The following ELOVL2 variants were observed in gnomAD, a reference collection of about 807,000 sequenced individuals.
ELOVL2 encodes the protein very long chain fatty acid elongase 2.
A neutral mutation model predicts 37.7 loss-of-function variants in ELOVL2; 38 were observed. The ratio of observed to expected loss-of-function variants is 1.01; its 90% CI spans 0.78 to 1.32. The LOEUF (loss-of-function observed/expected upper bound fraction) is 1.32. ELOVL2 is among the 40% of genes most tolerant of loss of function. The pLI is 0.00. For missense variants in ELOVL2, 352 were observed against 363.6 expected (o/e 0.97, Z 0.26); for synonymous variants, 115 against 122.3 (o/e 0.94, Z 0.40).
At chr6:11,005,871 T>C (rs1392303420) in intron 2 of ELOVL2, among the ~76,000 whole-genome samples, 1 of 152,126 alleles carries the variant, frequency 6.6e-6, no homozygotes, top group African/African-American at 2.4e-5. Flanking sequence ...TAAATTAATA[T>C]GAAGTAAGTA....
intron 5 of ELOVL2, among the ~76,000 whole-genome samples, chr6:10,990,668 C>CCG (rs1554110748): frequency 1.0e-5 from 1 of 95,934 alleles, no homozygotes; most frequent in African/African-American, 4.5e-5. Context: ...TTTCAGAATG[C>CCG]CCCCCCCCCG....
chr6:10,994,366 G>A (rs1046637088), intron 5 of ELOVL2, among the ~76,000 whole-genome samples: 2 of 151,028 alleles, frequency 1.3e-5, no homozygotes, highest in Non-Finnish European at 2.9e-5. Context: ...TACTCAGGAG[G>A]TTGAGGCAGG....
chr6:11,019,317 C>T (rs2113537469), intron 1 of ELOVL2, among the ~76,000 whole-genome samples: 1 of 152,174 alleles, frequency 6.6e-6, no homozygotes, highest in Non-Finnish European at 1.5e-5. Flanking sequence ...TTTTTCCCTC[C>T]AGGTTTAGTA....
chr6:11,010,702 T>C (rs756675157), intron 2 of ELOVL2, 44 bp downstream of exon 2: 4 of 1,445,168 alleles, frequency 2.8e-6, no homozygotes, highest in Non-Finnish European at 3.9e-6. Context: ...AATGGTGTTC[T>C]TCCTGTGTTC....
At chr6:11,015,588 C>T (rs1782670316) in intron 1 of ELOVL2, 1 of 152,456 alleles carries the variant, frequency 6.6e-6, no homozygotes, top group African/African-American at 2.4e-5. Flanking sequence ...AAATACACCA[C>T]TTGGAGGTAG....
chr6:11,011,879 C>T (rs1782589004), intron 1 of ELOVL2, among the ~76,000 whole-genome samples: 1 of 152,166 alleles, frequency 6.6e-6, no homozygotes, highest in South Asian at 2.1e-4. Flanking sequence ...GAAGTCAGAA[C>T]ATTACCAGTA....
intron 3 of ELOVL2, among the ~76,000 whole-genome samples, chr6:11,003,662 A>G (rs546221136): frequency 3.9e-5 from 6 of 152,212 alleles, no homozygotes; most frequent in Non-Finnish European, 8.8e-5. Context: ...ATATAGAGAA[A>G]CGAATCCCAT....
chr6:10,994,170 T>TA (rs952907604), intron 5 of ELOVL2, among the ~76,000 whole-genome samples: 1 of 141,870 alleles, frequency 7.0e-6, no homozygotes, highest in African/African-American at 2.6e-5. Context: ...CTTAAAAAAA[T>TA]AAAAAAAGAA....
chr6:11,023,687 C>T lies in ELOVL2; in HGVS notation c.4-12878G>A, dbSNP rs181652783. Reference sequence around the variant, plus strand: ...TGCCTGCTGAATGAAATCTTCAGCACGCGCTGTTTTGTTTGGCAGGACATT... The same window carrying T: ...TGCCTGCTGAATGAAATCTTCAGCATGCGCTGTTTTGTTTGGCAGGACATT... On this transcript the variant is annotated intron_variant, in intron 1 of 7. Coordinates refer to ENST00000354666, the MANE Select transcript of ELOVL2 (RefSeq NM_017770.4). 8.6e-4 allele frequency among the ~76,000 whole-genome samples: 131 copies of T among 152,250 alleles called. 1 individual carries two copies. The highest frequency in any genetic ancestry group is 2.9e-3 in the African/African-American group (119 of 41,548).
chr6:11,016,507 G>A (rs1435034454), intron 1 of ELOVL2, among the ~76,000 whole-genome samples: 1 of 152,144 alleles, frequency 6.6e-6, no homozygotes, highest in East Asian at 1.9e-4. Flanking sequence ...TCAGGAAATG[G>A]GATCTGATCA....
Position 10,986,251 on chromosome 6 carries a change from T to G in ELOVL2, c.766-2345A>C, listed in dbSNP as rs182253909. ...TTATCAGCTTAAGGAGATTTTGGGC[T>G]GAGACATGGGGTTTTCTAGATATAC... On this transcript the variant is annotated intron_variant, in intron 7 of 7. Coordinates refer to ENST00000354666, the MANE Select transcript of ELOVL2 (RefSeq NM_017770.4). 5.0e-4 allele frequency among the ~76,000 whole-genome samples: 76 copies of G among 152,352 alleles called. 1 individual carries two copies. Among genetic ancestry groups the G allele is most frequent in the African/African-American group, 1.7e-3 (69 of 41,576 alleles).
intron 1 of ELOVL2, among the ~76,000 whole-genome samples, chr6:11,042,743 A>G (rs994929853): frequency 1.3e-5 from 2 of 151,904 alleles, no homozygotes; most frequent in Non-Finnish European, 2.9e-5. Context: ...CCTCCTCCCA[A>G]ACTTCACTTG....
intron 6 of ELOVL2, 117 bp downstream of exon 6, chr6:10,990,201 T>C (rs1425397742): frequency 7.4e-6 from 10 of 1,347,000 alleles, no homozygotes; most frequent in African/African-American, 1.5e-5. Flanking sequence ...AGGCCAATTT[T>C]GGAAAAAAAA....
intron 1 of ELOVL2, among the ~76,000 whole-genome samples, chr6:11,040,010 G>A (rs963718680): frequency 6.6e-5 from 10 of 152,164 alleles, no homozygotes; most frequent in Admixed American, 2.6e-4. Context: ...GAGGAGATCT[G>A]TAGAAAAGGC....
At position 10,989,796 on chromosome 6, in the gene ELOVL2, G is replaced by A. The variant is rs146437011; in HGVS notation, c.672C>T (p.Val224=). The part of the protein sequence containing the change: ...VLTITHTMSA[V]VKPCGFPFGC... ...CGAAGGGGAAGCCACACGGTTTCAC[G>A]ACGGCGCTCATGGTGTGCGTGATGG... is the stretch of plus-strand genomic sequence containing the variant. Residue 224 remains valine, a synonymous_variant, in exon 7 of 8, where the codon GTC becomes GTT. Coordinates refer to ENST00000354666, the MANE Select transcript of ELOVL2 (RefSeq NM_017770.4). The A allele has an allele frequency of 5.1e-5, 83 of 1,614,030 alleles. No individual in the cohort carries two copies. In the Admixed American group the frequency reaches 8.8e-4, roughly 17 times the overall value.
chr6:11,032,447 C>T (rs1782946005), intron 1 of ELOVL2, among the ~76,000 whole-genome samples: 1 of 151,784 alleles, frequency 6.6e-6, no homozygotes, highest in African/African-American at 2.4e-5. Flanking sequence ...TGTACTAAAC[C>T]ATGGACAAAT....
At position 11,044,258 on chromosome 6, in the gene ELOVL2, C is replaced by G; in HGVS notation, c.-28G>C. On this transcript the variant is annotated 5_prime_UTR_variant, in exon 1 of 8. Coordinates refer to ENST00000354666, the MANE Select transcript of ELOVL2 (RefSeq NM_017770.4). This position sits in a 1 kb window ranked among gnomAD's most constrained non-coding sequence, Gnocchi z 5.6. ...TCCGCAGCGGCTGTGGCGCGGCGAC[C>G]CGGGCGGGCGGCGATGCGCTGTCCA... The G allele has an allele frequency of 7.5e-7, 1 of 1,330,944 alleles. No individual in the cohort carries two copies. Among genetic ancestry groups the G allele is most frequent in the Non-Finnish European group, 9.6e-7 (1 of 1,042,908 alleles). 82.4% of individuals were successfully genotyped at this position (1,330,944 alleles called of 1,614,324 possible).
At chr6:10,990,667 G>GCCCCC (rs372558428) in intron 5 of ELOVL2, among the ~76,000 whole-genome samples, 1 of 143,008 alleles carries the variant, frequency 7.0e-6, no homozygotes, top group African/African-American at 2.6e-5. Context: ...TTTTCAGAAT[G>GCCCCC]CCCCCCCCCC....
At chr6:10,983,954 T>C (rs1171323591) in intron 7 of ELOVL2, 48 bp from the exon 8 acceptor site, 1 of 1,526,500 alleles carries the variant, frequency 6.6e-7, no homozygotes, top group African/African-American at 1.4e-5. Context: ...GGTTATTTAA[T>C]AAGACCTTGT....
Sources: gnomAD v4.1 joint callset for allele counts (sites outside exome capture counted in the v4.1 genomes callset) on GRCh38, gnomAD v4.1.1 for gene constraint, Gnocchi (gnomAD v3.1) non-coding constraint, MANE v1.5 for transcripts, NCBI Gene and HGNC (gene_info 2026-07-23, HGNC 2026-07-21) for gene names.